The following C8orf76 variants were observed in gnomAD, a reference collection of about 807,000 sequenced individuals.
C8orf76 encodes chromosome 8 open reading frame 76, also known as uncharacterized protein C8orf76.
C8orf76 carries 46 observed loss-of-function variants against 38.1 expected under a neutral mutation model. That is an observed-to-expected ratio of 1.21 (90% CI 0.95 to 1.54). The LOEUF is 1.54. Ranked by LOEUF, C8orf76 falls within the 40% of genes most tolerant of loss-of-function variation. C8orf76 has a pLI of 0.00. For synonymous variants in C8orf76, 166 were observed against 167.5 expected (o/e 0.99, Z 0.07); for missense variants, 461 against 441.6 (o/e 1.04, Z -0.39).
intron 1 of C8orf76, 124 bp downstream of exon 1, chr8:123,241,106 G>A (rs1046525350): frequency 8.3e-6 from 8 of 965,202 alleles, no homozygotes; most frequent in South Asian, 3.9e-5. Flanking sequence ...CGGGGGACGC[G>A]GCGGGCGCTG....
intron 5 of C8orf76, 57 bp from the exon 6 acceptor site, chr8:123,220,354 G>A (rs1824867886): frequency 3.7e-6 from 5 of 1,336,430 alleles, no homozygotes; most frequent in Non-Finnish European, 5.0e-6. Context: ...GACATGGAAT[G>A]CTAGTTATCA....
chr8:123,221,894 G>A (rs1225420649), intron 5 of C8orf76, among the ~76,000 whole-genome samples: 1 of 152,180 alleles, frequency 6.6e-6, no homozygotes, highest in East Asian at 1.9e-4. Context: ...GGGAGATAGA[G>A]TGAGACCCCA....
In C8orf76 at chr8:123,237,891, AT is replaced by A; in HGVS notation, c.263del (p.Asn88IlefsTer4). On this transcript the variant is annotated frameshift_variant, in exon 3 of 6. Transcript: ENST00000276704. LOFTEE classifies it high-confidence loss of function. ...CCTGGACATCCCTTTTCATGGCAAA[AT>A]TGGTTGATGACAATTTTTCAGAGAT... ...SSISEKLSST[N>X]FAMKRDVQEG... 6.2e-7 allele frequency: 1 copy of A among 1,614,120 alleles called. No homozygotes were observed. The highest frequency in any genetic ancestry group is 8.5e-7 in the Non-Finnish European group (1 of 1,180,000).
chr8:123,229,942 G>A (rs1825187733), intron 4 of C8orf76, among the ~76,000 whole-genome samples: 1 of 152,048 alleles, frequency 6.6e-6, no homozygotes, highest in Non-Finnish European at 1.5e-5. Flanking sequence ...GCTTGAACCT[G>A]GAGACAGACG....
chr8:123,234,014 C>T (rs1012701564), intron 3 of C8orf76, among the ~76,000 whole-genome samples: 6 of 146,638 alleles, frequency 4.1e-5, no homozygotes, highest in African/African-American at 1.0e-4. Context: ...GGCAACAGAA[C>T]GAGACTTCAT....
In C8orf76 at chr8:123,235,037, G is replaced by A. The variant is rs566128488; in HGVS notation, c.357+2761C>T. 4.6e-5 allele frequency among the ~76,000 whole-genome samples: 7 copies of A among 152,286 alleles called. No individual in the cohort carries two copies. The East Asian group carries it at 7.7e-4, about 17-fold the overall frequency. On this transcript the variant is annotated intron_variant, in intron 3 of 5. Transcript: ENST00000276704. ...CACTAGATGAGCACTGCATGTACAC[G>A]ATATATTGTTTGTCTCCTTAGCATC... is the stretch of plus-strand genomic sequence containing the variant.
Position 123,223,378 on chromosome 8 carries a change from C to A in C8orf76, c.949-3081G>T, listed in dbSNP as rs1455557219. Among the ~76,000 whole-genome samples, 5 of 152,314 alleles carry A rather than the reference C, an allele frequency of 3.3e-5. 1 individual carries two copies. The South Asian group carries it at 8.3e-4, about 25-fold the overall frequency. On this transcript the variant is annotated intron_variant, in intron 5 of 5. Coordinates refer to ENST00000276704, the MANE Select transcript of C8orf76 (RefSeq NM_032847.3). The stretch of plus-strand genomic sequence containing the variant: ...ATCCCAGCACTTTGGGAGGCCGAGG[C>A]AGGCAGATCACTTGAGATCAGGAGT...
chr8:123,224,804 C>T (rs1427679599), intron 5 of C8orf76, among the ~76,000 whole-genome samples: 1 of 152,120 alleles, frequency 6.6e-6, no homozygotes, highest in East Asian at 1.9e-4. Flanking sequence ...TCAAAACATA[C>T]TATTACTTAT....
chr8:123,237,985 T>C lies in C8orf76; in HGVS notation c.214-44A>G, dbSNP rs776294632. 7.6e-6 allele frequency: 12 copies of C among 1,582,576 alleles called. No homozygotes were observed. The South Asian group carries it at 1.0e-4, about 14-fold the overall frequency. On this transcript the variant is annotated intron_variant, in intron 2 of 5. Transcript: ENST00000276704. ...ATAAAGAAATGAAAGGAGGAAAACA[T>C]AACAGAAAAAAGGATTCAGAATAGG...
At chr8:123,229,886 G>A (rs889820517) in intron 4 of C8orf76, among the ~76,000 whole-genome samples, 2 of 152,074 alleles carry the variant, frequency 1.3e-5, no homozygotes, top group African/African-American at 4.8e-5. Flanking sequence ...GTGTGGTGGT[G>A]CACAGCTGTA....
chr8:123,224,568 T>C (rs1824977359), intron 5 of C8orf76, among the ~76,000 whole-genome samples: 1 of 152,172 alleles, frequency 6.6e-6, no homozygotes, highest in Admixed American at 6.5e-5. Flanking sequence ...GCTAAGATTA[T>C]GCACTGCAGC....
intron 3 of C8orf76, among the ~76,000 whole-genome samples, 199 bp from the exon 4 acceptor site, chr8:123,231,956 G>GAGTC (rs567657005): frequency 5.9e-4 from 90 of 152,146 alleles, no homozygotes; most frequent in Non-Finnish European, 1.1e-3. Context: ...CCTAGAGAAA[G>GAGTC]AGTCACCAGC....
Position 123,241,360 on chromosome 8 carries a change from C to T in C8orf76, c.-14G>A. The stretch of plus-strand genomic sequence containing the variant: ...CCCGGAATCCATCTCGCGCCCGCGG[C>T]GGGGGCAACGAGGAAGCGGGGCCCG... On this transcript the variant is annotated 5_prime_UTR_variant, in exon 1 of 6. Transcript: ENST00000276704. 1 of 1,544,732 alleles carries T rather than the reference C, an allele frequency of 6.5e-7. No homozygotes were observed. Among genetic ancestry groups the T allele is most frequent in the Admixed American group, 2.2e-5 (1 of 46,086 alleles).
intron 1 of C8orf76, among the ~76,000 whole-genome samples, chr8:123,240,805 T>TAA (rs2131169693): frequency 6.6e-6 from 1 of 152,180 alleles, no homozygotes; most frequent in Admixed American, 6.5e-5. Flanking sequence ...TGAAGGACTT[T>TAA]AACCATCAGC....
chr8:123,237,889 A>G lies in C8orf76; in HGVS notation c.266T>C (p.Phe89Ser). Reference protein sequence around the residue: ...SISEKLSSTNFAMKRDVQEGQ... With the variant: ...SISEKLSSTNSAMKRDVQEGQ... ...TTCCTGGACATCCCTTTTCATGGCA[A>G]AATTGGTTGATGACAATTTTTCAGA... Residue 89 changes from phenylalanine (F) to serine (S), a missense_variant, in exon 3 of 6, where the codon TTT (phenylalanine) becomes TCT (serine). Transcript: ENST00000276704. The G allele has an allele frequency of 6.2e-7, 1 of 1,614,168 alleles. No individual in the cohort carries two copies. Among genetic ancestry groups the G allele is most frequent in the Non-Finnish European group, 8.5e-7 (1 of 1,180,018 alleles).
intron 4 of C8orf76, among the ~76,000 whole-genome samples, chr8:123,229,487 C>T (rs762446483): frequency 3.2e-4 from 48 of 152,210 alleles, no homozygotes; most frequent in Non-Finnish European, 6.6e-4. Flanking sequence ...CTTTTGGCCA[C>T]GCCAACAGCT....
In C8orf76 at chr8:123,241,216, C is replaced by A. The variant is rs748790557; in HGVS notation, c.117+14G>T. The stretch of plus-strand genomic sequence containing the variant: ...TGGGGCCCGGGATAAGGCGAAGAGG[C>A]CCCAGCTTCTCACCTGCGGCTCGCA... On this transcript the variant is annotated intron_variant, in intron 1 of 5. Transcript: ENST00000276704. The A allele has an allele frequency of 1.3e-6, 2 of 1,581,194 alleles. No individual in the cohort carries two copies. The highest frequency in any genetic ancestry group is 1.7e-6 in the Non-Finnish European group (2 of 1,168,546).
chr8:123,222,180 G>A (rs917099185), intron 5 of C8orf76, among the ~76,000 whole-genome samples: 2 of 151,854 alleles, frequency 1.3e-5, no homozygotes, highest in Admixed American at 6.6e-5. Context: ...GTAGAGACAG[G>A]GTTTCACCGT....
chr8:123,233,868 A>C (rs1825366846), intron 3 of C8orf76, among the ~76,000 whole-genome samples: 1 of 151,952 alleles, frequency 6.6e-6, no homozygotes, highest in Non-Finnish European at 1.5e-5. Context: ...CTCTACTAAA[A>C]ATACAAAAAA....
Sources: allele counts gnomAD v4.1 joint callset (sites outside exome capture counted in the v4.1 genomes callset), GRCh38; gene constraint gnomAD v4.1.1; transcripts MANE v1.5; gene names NCBI Gene and HGNC (gene_info 2026-07-23, HGNC 2026-07-21).